Variants in DNAH14 observed in about 807,000 individuals in gnomAD.
DNAH14 encodes dynein axonemal heavy chain 14, also known as axonemal beta dynein heavy chain 14.
A neutral mutation model predicts 520.9 loss-of-function variants in DNAH14; 478 were observed. That is an observed-to-expected ratio of 0.92 (90% CI 0.85 to 0.99). The LOEUF (loss-of-function observed/expected upper bound fraction) is 0.99. Ranked by LOEUF, DNAH14 falls within the 50% of genes least tolerant of loss-of-function variation. The probability of loss-of-function intolerance (pLI) is 0.00; values close to 1 mark genes in which losing one functional copy is unlikely to be tolerated. For missense variants in DNAH14, 4,831 were observed against 5,234.5 expected (o/e 0.92, Z 2.38); for synonymous variants, 1,581 against 1,757.2 (o/e 0.90, Z 2.51).
intron 27 of DNAH14, 22 bp downstream of exon 27, chr1:225,123,636 G>A: frequency 2.6e-6 from 1 of 386,396 alleles, no homozygotes; most frequent in Non-Finnish European, 5.4e-6. Flanking sequence ...CTGCTTTGAT[G>A]TATGTATACA....
chr1:224,967,355 T>G (rs1474753104), intron 5 of DNAH14, 76 bp from the exon 6 acceptor site: 2 of 1,023,890 alleles, frequency 2.0e-6, no homozygotes, highest in Non-Finnish European at 2.7e-6. Context: ...GTGGGTAATC[T>G]GTTCACCCAT....
At chr1:225,049,819 A>G (rs987940446) in intron 15 of DNAH14, among the ~76,000 whole-genome samples, 1 of 149,494 alleles carries the variant, frequency 6.7e-6, no homozygotes, top group Non-Finnish European at 1.5e-5. Flanking sequence ...TCAATCATCT[A>G]TCTATGCCTG....
At chr1:225,212,705 T>G (rs2088623379) in intron 41 of DNAH14, among the ~76,000 whole-genome samples, 1 of 152,242 alleles carries the variant, frequency 6.6e-6, no homozygotes, top group Non-Finnish European at 1.5e-5. Flanking sequence ...AAATTTCTTC[T>G]TTTGAGAAGT....
chr1:225,360,934 C>T (rs1373947309), intron 75 of DNAH14, 43 bp downstream of exon 75: 4 of 1,510,960 alleles, frequency 2.6e-6, no homozygotes, highest in Non-Finnish European at 3.6e-6. Flanking sequence ...GATTGGTTAC[C>T]AAAACTATAA....
At chr1:225,260,041 C>T (rs1005575134) in intron 46 of DNAH14, among the ~76,000 whole-genome samples, 4 of 152,000 alleles carry the variant, frequency 2.6e-5, no homozygotes, top group African/African-American at 9.7e-5. Context: ...CACACACACA[C>T]AGACACCACA....
intron 17 of DNAH14, among the ~76,000 whole-genome samples, chr1:225,057,968 A>T (rs898360898): frequency 3.3e-5 from 5 of 152,188 alleles, no homozygotes; most frequent in African/African-American, 1.2e-4. Context: ...GATGTTCATC[A>T]GGGATATTGG....
intron 37 of DNAH14, among the ~76,000 whole-genome samples, chr1:225,189,450 G>T (rs1191294697): frequency 2.0e-5 from 3 of 148,234 alleles, no homozygotes; most frequent in African/African-American, 7.5e-5. Context: ...TAGGATTGGT[G>T]TTAATTCTTC....
intron 81 of DNAH14, among the ~76,000 whole-genome samples, chr1:225,384,562 C>A (rs12081971): frequency 0.31 from 47,404 of 151,990 alleles, 9,290 homozygotes; most frequent in African/African-American, 0.56. Flanking sequence ...ACCGATCCCA[C>A]AGAAATACAA....
chr1:225,204,140 G>A, intron 38 of DNAH14, 43 bp from the exon 39 acceptor site: 1 of 1,036,034 alleles, frequency 9.7e-7, no homozygotes, highest in African/African-American at 1.7e-5. Context: ...GTTGAAAAGT[G>A]TTATTAAATA....
intron 37 of DNAH14, among the ~76,000 whole-genome samples, chr1:225,186,176 T>C (rs977259082): frequency 3.3e-5 from 5 of 150,262 alleles, no homozygotes; most frequent in African/African-American, 1.2e-4. Flanking sequence ...TTATTGTTGG[T>C]AACATATTCC....
rs2067179826 is a variant in DNAH14, at chr1:225,038,612, G to T, written c.1359-82G>T. Reference sequence around the variant, plus strand: ...CTGTTTTTTAATTGGGTTGCTTTTTGTTGTTGAGTTGTAGGTGTTCTTTAT... The same window carrying T: ...CTGTTTTTTAATTGGGTTGCTTTTTTTTGTTGAGTTGTAGGTGTTCTTTAT... On this transcript the variant is annotated intron_variant, in intron 11 of 85. Transcript: ENST00000682510. 3.7e-6 allele frequency: 5 copies of T among 1,369,496 alleles called. No individual in the cohort carries two copies. In the East Asian group the frequency reaches 1.1e-4, roughly 31 times the overall value. The allele number at this position is 1,369,496 out of a possible 1,614,324, so 84.8% of individuals were successfully genotyped here.
At chr1:225,366,459 GA>G (rs2095554353) in intron 76 of DNAH14, among the ~76,000 whole-genome samples, 2 of 152,082 alleles carry the variant, frequency 1.3e-5, no homozygotes, top group African/African-American at 4.8e-5. Context: ...ATATAGTTCT[GA>G]AGGCGGACAG....
rs2095457766 is a variant in DNAH14 at position 225,358,579 on chromosome 1, A to G, written c.11703A>G (p.Arg3901=). The G allele has an allele frequency of 6.5e-7, 1 of 1,549,746 alleles. No homozygotes were observed. Among genetic ancestry groups the G allele is most frequent in the African/African-American group, 1.4e-5 (1 of 73,074 alleles). The change falls in exon 74 of 86, where the codon AGA becomes AGG. Residue 3901 remains arginine, a synonymous_variant. Coordinates refer to ENST00000682510, the MANE Select transcript of DNAH14 (RefSeq NM_001367479.1). ...TEKMGNKYLQ[R]TGVNLKDAYK... ...AAATGGGAAATAAGTATCTTCAAAG[A>G]ACTGGAGTTAATTTGAAAGATGCAT...
At chr1:225,191,382 A>T (rs116228635) in intron 37 of DNAH14, among the ~76,000 whole-genome samples, 390 of 152,102 alleles carry the variant, frequency 2.6e-3, no homozygotes, top group African/African-American at 8.8e-3. Flanking sequence ...AGTTTGTTTC[A>T]GCACTTTGTA....
At chr1:225,052,664 T>G (rs2456344) in intron 17 of DNAH14, among the ~76,000 whole-genome samples, 129,504 of 152,088 alleles carry the variant, frequency 0.85, 58,717 homozygotes, top group Non-Finnish European at 1. Flanking sequence ...CAGACAATTT[T>G]CTAGAAAAAG....
At chr1:224,943,094 T>C (rs963615265) in intron 1 of DNAH14, among the ~76,000 whole-genome samples, 3 of 152,206 alleles carry the variant, frequency 2.0e-5, no homozygotes, top group Admixed American at 6.5e-5. Flanking sequence ...AGCTCTTCCT[T>C]GTACTTCTGG....
intron 8 of DNAH14, among the ~76,000 whole-genome samples, chr1:224,986,318 T>TAAAAAAA (rs59261709): frequency 2.3e-5 from 2 of 87,880 alleles, no homozygotes; most frequent in Non-Finnish European, 5.4e-5. Context: ...AAAGGCTTAT[T>TAAAAAAA]AAAAAAAAAA....
chr1:225,043,275 G>GGAAAA (rs1553403748), intron 13 of DNAH14, among the ~76,000 whole-genome samples, 161 bp downstream of exon 13: 1 of 14,676 alleles, frequency 6.8e-5, no homozygotes, highest in Non-Finnish European at 5.1e-4. Flanking sequence ...TGTCTCTTGG[G>GGAAAA]GAAAAAAAAA....
At chr1:224,948,420 G>T (rs1347071268) in intron 1 of DNAH14, among the ~76,000 whole-genome samples, 5 of 151,410 alleles carry the variant, frequency 3.3e-5, no homozygotes, top group African/African-American at 1.2e-4. Flanking sequence ...TAGTTGCCTG[G>T]TATATCTCTT....
Sources: allele counts gnomAD v4.1 joint callset (sites outside exome capture counted in the v4.1 genomes callset), GRCh38; gene constraint gnomAD v4.1.1; transcripts MANE v1.5; gene names NCBI Gene and HGNC (gene_info 2026-07-23, HGNC 2026-07-21).